RFX4: variants seen among roughly 807,000 people sequenced by gnomAD.
RFX4 encodes the protein transcription factor RFX4.
Under a neutral mutation model 95.0 loss-of-function variants are expected in RFX4, and 10 were observed. The observed-to-expected ratio is 0.11, with a 90% CI of 0.06 to 0.18. The LOEUF is 0.18. RFX4 is among the 10% of genes least tolerant of loss of function. RFX4 has a pLI of 1.00. For synonymous variants in RFX4, 321 were observed against 340.7 expected, an observed-to-expected ratio of 0.94 and a Z score of 0.64; for missense variants, 640 against 922.0, an observed-to-expected ratio of 0.69 and a Z score of 3.96.
At chr12:106,696,754 G>C (rs1434470391) in intron 8 of RFX4, among the ~76,000 whole-genome samples, 2 of 152,120 alleles carry the variant, frequency 1.3e-5, no homozygotes. Context: ...TCATTTTCTT[G>C]GAGTCTGTCC....
chr12:106,722,310 T>A (rs1565994975), intron 13 of RFX4, among the ~76,000 whole-genome samples: 1 of 152,220 alleles, frequency 6.6e-6, no homozygotes, highest in South Asian at 2.1e-4. Flanking sequence ...ACAGCGAGCA[T>A]CCTCTCCATG....
intron 16 of RFX4, among the ~76,000 whole-genome samples, chr12:106,750,082 G>T (rs1472839970): frequency 6.6e-6 from 1 of 152,140 alleles, no homozygotes; most frequent in African/African-American, 2.4e-5. Context: ...ACGCTGGCTG[G>T]GGGGTAAGGG....
intron 1 of RFX4, among the ~76,000 whole-genome samples, chr12:106,584,718 C>A (rs79882843): frequency 2.0e-5 from 3 of 152,230 alleles, no homozygotes; most frequent in African/African-American, 7.2e-5. Context: ...CGCTGCAGCC[C>A]TGGTGGCCCG....
intron 13 of RFX4, among the ~76,000 whole-genome samples, chr12:106,724,741 G>A (rs921939681): frequency 6.6e-6 from 1 of 152,134 alleles, no homozygotes; most frequent in Non-Finnish European, 1.5e-5. Flanking sequence ...ATGCATTTCA[G>A]CTGGGCGCGA....
intron 7 of RFX4, among the ~76,000 whole-genome samples, chr12:106,690,303 T>C (rs1437360965): frequency 6.6e-6 from 1 of 152,154 alleles, no homozygotes; most frequent in African/African-American, 2.4e-5. Context: ...CCACTAGACT[T>C]CTAAAATGTA....
At chr12:106,731,656 A>G (rs983853743) in intron 13 of RFX4, among the ~76,000 whole-genome samples, 1 of 152,264 alleles carries the variant, frequency 6.6e-6, no homozygotes, top group Non-Finnish European at 1.5e-5. Flanking sequence ...GAATTATGTC[A>G]GGTACATTAG....
intron 2 of RFX4, 57 bp from the exon 3 acceptor site, chr12:106,639,275 T>A (rs963900254): frequency 1.4e-6 from 2 of 1,479,684 alleles, no homozygotes; most frequent in Non-Finnish European, 1.9e-6. Flanking sequence ...CGAGAGGACT[T>A]TTACTTTTTC....
At chr12:106,704,052 C>A in intron 8 of RFX4, among the ~76,000 whole-genome samples, 3 of 97,684 alleles carry the variant, frequency 3.1e-5, no homozygotes, top group Non-Finnish European at 5.4e-5. Context: ...GGTGACATAG[C>A]AAGACACTGT....
At chr12:106,659,859 T>A (rs528551597) in intron 4 of RFX4, among the ~76,000 whole-genome samples, 1 of 152,320 alleles carries the variant, frequency 6.6e-6, no homozygotes, top group East Asian at 1.9e-4. Flanking sequence ...AGGCTAGGTA[T>A]GTGTGGAGGC....
At chr12:106,644,854 G>A (rs924110519) in intron 3 of RFX4, among the ~76,000 whole-genome samples, 4 of 152,152 alleles carry the variant, frequency 2.6e-5, no homozygotes, top group African/African-American at 4.8e-5. Context: ...TCTCTCCAGC[G>A]GCAGTGGCCA....
intron 17 of RFX4, among the ~76,000 whole-genome samples, chr12:106,755,236 A>G (rs1168435301): frequency 6.6e-6 from 1 of 152,164 alleles, no homozygotes; most frequent in Non-Finnish European, 1.5e-5. Context: ...ACCTGGGACT[A>G]TAGGCACATG....
At chr12:106,752,541 C>T (rs950293671) in intron 17 of RFX4, among the ~76,000 whole-genome samples, 5 of 152,114 alleles carry the variant, frequency 3.3e-5, no homozygotes, top group African/African-American at 1.2e-4. Context: ...GCTACCCTCA[C>T]CCTGGGCCTT....
intron 4 of RFX4, among the ~76,000 whole-genome samples, chr12:106,670,504 TGGGGC>T (rs1476790415): frequency 6.6e-6 from 1 of 152,226 alleles, no homozygotes; most frequent in Admixed American, 6.5e-5. Flanking sequence ...TTTTCAGCCC[TGGGGC>T]TTTTCAAAGA....
chr12:106,679,861 C>A (rs560704120), intron 4 of RFX4, among the ~76,000 whole-genome samples: 2 of 152,168 alleles, frequency 1.3e-5, no homozygotes, highest in African/African-American at 4.8e-5. Context: ...GGCCACTAAA[C>A]CTGGATGCAG....
At chr12:106,658,070 T>C (rs924946177) in intron 4 of RFX4, among the ~76,000 whole-genome samples, 1 of 152,162 alleles carries the variant, frequency 6.6e-6, no homozygotes, top group Non-Finnish European at 1.5e-5. Flanking sequence ...TTCTGTTCAT[T>C]ATGCATCCCC....
At chr12:106,644,976 A>G (rs1441244368) in intron 3 of RFX4, among the ~76,000 whole-genome samples, 2 of 151,798 alleles carry the variant, frequency 1.3e-5, no homozygotes, top group African/African-American at 4.8e-5. Flanking sequence ...TTGGCTTGTT[A>G]TTGGAATTGG....
chr12:106,669,567 A>T (rs1278713531), intron 4 of RFX4, among the ~76,000 whole-genome samples: 1 of 151,996 alleles, frequency 6.6e-6, no homozygotes, highest in Non-Finnish European at 1.5e-5. Flanking sequence ...CTCTTCTTCT[A>T]GTCCCACCAG....
chr12:106,609,833 T>C (rs1370226728), intron 2 of RFX4, among the ~76,000 whole-genome samples: 2 of 152,144 alleles, frequency 1.3e-5, no homozygotes, highest in Admixed American at 6.5e-5. Flanking sequence ...GGCTTCCTCA[T>C]GTCTCCTCCC....
chr12:106,750,013 C>G lies in RFX4; in HGVS notation c.1797-642C>G, dbSNP rs534296080. ...GATACAACAGGGGTTTTAAACACAG[C>G]AGGAGTAGAGGTTTCCATCACTAAT... On this transcript the variant is annotated intron_variant, in intron 16 of 17. Transcript: ENST00000392842. Among the ~76,000 whole-genome samples, 3 of 152,250 alleles carry G rather than the reference C, an allele frequency of 2.0e-5. No homozygotes were observed. In the South Asian group the frequency reaches 6.2e-4, roughly 32 times the overall value.
Sources: allele counts gnomAD v4.1 joint callset (sites outside exome capture counted in the v4.1 genomes callset), GRCh38; gene constraint gnomAD v4.1.1; transcripts MANE v1.5; gene names NCBI Gene and HGNC (gene_info 2026-07-23, HGNC 2026-07-21).